The following PDE6A variants were observed in gnomAD, a reference collection of about 807,000 sequenced individuals.
PDE6A encodes the protein rod cGMP-specific 3',5'-cyclic phosphodiesterase subunit alpha.
In PDE6A, 84 loss-of-function variants were observed where a neutral mutation model predicts 106.3. The ratio of observed to expected loss-of-function variants is 0.79; its 90% CI spans 0.66 to 0.95. PDE6A has a LOEUF of 0.95. Among genes scored for constraint, PDE6A ranks in the 40% least tolerant of loss-of-function variants. PDE6A has a pLI of 0.00. For missense variants in PDE6A, 1,052 were observed against 1,084.9 expected (o/e 0.97, Z 0.43); for synonymous variants, 394 against 386.6 (o/e 1.02, Z -0.23).
intron 13 of PDE6A, among the ~76,000 whole-genome samples, chr5:149,894,585 T>C (rs1581175654): frequency 6.6e-6 from 1 of 151,728 alleles, no homozygotes; most frequent in East Asian, 1.9e-4. Context: ...ATTGTCATTA[T>C]GCCCCCAAGC....
chr5:149,884,388 G>A (rs1022846199), intron 16 of PDE6A, 91 bp downstream of exon 16: 1 of 769,384 alleles, frequency 1.3e-6, no homozygotes, highest in African/African-American at 1.8e-5. Flanking sequence ...GTATATATAT[G>A]TGTATATATG....
chr5:149,942,976 C>T (rs141055817), intron 1 of PDE6A, among the ~76,000 whole-genome samples: 264 of 151,488 alleles, frequency 1.7e-3, no homozygotes, highest in African/African-American at 6.2e-3. Flanking sequence ...GAGACAGATG[C>T]CTTCCTCTTA....
At chr5:149,914,817 A>G (rs1753501668) in intron 6 of PDE6A, 126 bp downstream of exon 6, 1 of 752,112 alleles carries the variant, frequency 1.3e-6, no homozygotes, top group Non-Finnish European at 2.4e-6. Context: ...TATAAAGTCA[A>G]CCTTGTCAGA....
intron 13 of PDE6A, among the ~76,000 whole-genome samples, chr5:149,889,654 C>T (rs1319969366): frequency 6.6e-6 from 1 of 151,992 alleles, no homozygotes; most frequent in African/African-American, 2.4e-5. Context: ...GCCTGTAATC[C>T]CAGCACTCTG....
intron 8 of PDE6A, among the ~76,000 whole-genome samples, chr5:149,901,446 T>G (rs188418719): frequency 6.6e-6 from 1 of 152,252 alleles, no homozygotes; most frequent in Non-Finnish European, 1.5e-5. Context: ...CAGAATCGCT[T>G]GAACCCAGGA....
chr5:149,920,571 A>T (rs1753676067), intron 5 of PDE6A, among the ~76,000 whole-genome samples: 1 of 151,972 alleles, frequency 6.6e-6, no homozygotes, highest in South Asian at 2.1e-4. Context: ...CAAGAGCAAA[A>T]CTCCATCTCA....
At chr5:149,902,923 A>C (rs1753035547) in intron 8 of PDE6A, among the ~76,000 whole-genome samples, 1 of 152,128 alleles carries the variant, frequency 6.6e-6, no homozygotes, top group African/African-American at 2.4e-5. Context: ...TGAAGGGCAG[A>C]GAGGATTTCA....
intron 1 of PDE6A, among the ~76,000 whole-genome samples, chr5:149,936,407 C>A (rs774738469): frequency 3.3e-5 from 5 of 152,134 alleles, no homozygotes; most frequent in Non-Finnish European, 5.9e-5. Flanking sequence ...GAAGTGGTAT[C>A]TGTGTCATTT....
intron 9 of PDE6A, 45 bp from the exon 10 acceptor site, chr5:149,898,551 T>G (rs1366218662): frequency 6.3e-7 from 1 of 1,593,968 alleles, no homozygotes. Context: ...ACACCTAAGT[T>G]TAATCTTGAC....
intron 3 of PDE6A, among the ~76,000 whole-genome samples, chr5:149,933,116 C>T (rs914889427): frequency 1.3e-5 from 2 of 152,146 alleles, no homozygotes; most frequent in African/African-American, 4.8e-5. Flanking sequence ...TCTCAGCCTC[C>T]CCAGCAGCTG....
intron 4 of PDE6A, among the ~76,000 whole-genome samples, chr5:149,924,960 C>T (rs901326322): frequency 2.0e-5 from 3 of 152,174 alleles, no homozygotes; most frequent in African/African-American, 7.2e-5. Flanking sequence ...GATCCTCACG[C>T]CCCAAGAAGT....
intron 1 of PDE6A, among the ~76,000 whole-genome samples, chr5:149,941,326 G>A (rs185345803): frequency 2.2e-3 from 333 of 152,324 alleles, no homozygotes; most frequent in African/African-American, 7.7e-3. Flanking sequence ...GCCTCCCTGA[G>A]GAAGGGTGAC....
rs1754131396 is a variant in PDE6A, at chr5:149,934,583, T to TGAAGTG, written c.604_609dup (p.His202_Phe203dup). 6.2e-7 allele frequency: 1 copy of TGAAGTG among 1,614,180 alleles called. No individual in the cohort carries two copies. ...ATTCTTACCTCTTCATCTCTCTTGG[T>TGAAGTG]GAAGTGGGATCCATCCACTTTATTC... On this transcript the variant is annotated inframe_insertion, in exon 2 of 22. Transcript: ENST00000255266.
Position 149,886,243 on chromosome 5 carries a change from G to A in PDE6A, c.1838+22C>T, listed in dbSNP as rs569313193. 6 of 1,523,106 alleles carry A rather than the reference G, an allele frequency of 3.9e-6. No homozygotes were observed. In the South Asian group the frequency reaches 6.7e-5, roughly 17 times the overall value. 94.3% of individuals were successfully genotyped at this position (1,523,106 alleles called of 1,614,324 possible). On this transcript the variant is annotated intron_variant, in intron 14 of 21. Transcript: ENST00000255266. The stretch of plus-strand genomic sequence containing the variant: ...GGATAATGAATCCGGAGGGTTGGGT[G>A]TGGGGAGGGAGGCTGACTCACTTCA...
At chr5:149,913,993 G>T (rs1753472439) in intron 6 of PDE6A, among the ~76,000 whole-genome samples, 1 of 152,172 alleles carries the variant, frequency 6.6e-6, no homozygotes, top group Admixed American at 6.5e-5. Context: ...GGCTTTCTGT[G>T]GGGGCTGAGT....
chr5:149,905,407 A>G (rs934926673), intron 7 of PDE6A, among the ~76,000 whole-genome samples: 3 of 152,126 alleles, frequency 2.0e-5, no homozygotes, highest in Non-Finnish European at 4.4e-5. Context: ...TTGTCTCTTC[A>G]TCTACCTGCT....
At chr5:149,889,097 A>AAAAAAAAAAAAAAAAC in intron 13 of PDE6A, among the ~76,000 whole-genome samples, 1 of 150,668 alleles carries the variant, frequency 6.6e-6, no homozygotes, top group African/African-American at 2.4e-5. Flanking sequence ...AAAAAAAAAA[A>AAAAAAAAAAAAAAAAC]AGATCAGAAG....
intron 5 of PDE6A, among the ~76,000 whole-genome samples, chr5:149,917,979 G>T (rs1753603262): frequency 6.6e-6 from 1 of 152,132 alleles, no homozygotes. Flanking sequence ...CCTGGTCAAG[G>T]CAGCTACTGT....
At chr5:149,911,043 C>T (rs1291270524) in intron 6 of PDE6A, among the ~76,000 whole-genome samples, 1 of 151,814 alleles carries the variant, frequency 6.6e-6, no homozygotes, top group African/African-American at 2.4e-5. Flanking sequence ...CCATGCCTGG[C>T]TAATTTTTGT....
Sources: gnomAD v4.1 joint callset for allele counts (sites outside exome capture counted in the v4.1 genomes callset) on GRCh38, gnomAD v4.1.1 for gene constraint, MANE v1.5 for transcripts, NCBI Gene and HGNC (gene_info 2026-07-23, HGNC 2026-07-21) for gene names.